RPS6KC1: variants seen among roughly 807,000 people sequenced by gnomAD.
RPS6KC1 encodes the protein ribosomal protein S6 kinase C1, also known as inactive ribosomal protein S6 kinase delta-1.
RPS6KC1 carries 54 observed loss-of-function variants against 103.8 expected under a neutral mutation model. The ratio of observed to expected loss-of-function variants is 0.52; its 90% confidence interval spans 0.42 to 0.65. RPS6KC1 has a LOEUF of 0.65. Among genes scored for constraint, RPS6KC1 ranks in the 30% least tolerant of loss-of-function variants. RPS6KC1 has a pLI of 0.00. For missense variants in RPS6KC1, 1,151 were observed against 1,253.8 expected, an observed-to-expected ratio of 0.92 and a Z score of 1.24; for synonymous variants, 439 against 438.7, an observed-to-expected ratio of 1.00 and a Z score of -0.01.
the RPS6KC1 span, among the ~76,000 whole-genome samples, chr1:213,364,085 A>G: frequency 6.6e-6 from 1 of 152,122 alleles, no homozygotes; most frequent in Non-Finnish European, 1.5e-5. Flanking sequence ...TTTGTGGGCC[A>G]TACAGTCTCT....
At chr1:213,197,373 G>A (rs577227372) in intron 8 of RPS6KC1, among the ~76,000 whole-genome samples, 30 of 152,008 alleles carry the variant, frequency 2.0e-4, no homozygotes, top group Non-Finnish European at 3.7e-4. Flanking sequence ...ATTGCTTTTG[G>A]CAATATGGTC....
At position 213,051,377 on chromosome 1, in the gene RPS6KC1, TGGC is replaced by T; in HGVS notation, c.-18_-16del. On this transcript the variant is annotated 5_prime_UTR_variant, in exon 1 of 15. Transcript: ENST00000366960. ...GGTTTCCCTCATGATCCCGGGCGGG[TGGC>T]GGCGGCGGCAGAGGCGGCGGGAGGA... 1.3e-6 allele frequency: 2 copies of T among 1,561,028 alleles called. No individual in the cohort carries two copies. Among genetic ancestry groups the T allele is most frequent in the Non-Finnish European group, 1.8e-6 (2 of 1,135,574 alleles).
At chr1:213,697,803 A>G in the RPS6KC1 span, among the ~76,000 whole-genome samples, 1 of 152,108 alleles carries the variant, frequency 6.6e-6, no homozygotes, top group Non-Finnish European at 1.5e-5. Context: ...CTTCCCTGCC[A>G]CCCATTTTTC....
At chr1:213,242,848 A>G (rs1374877614) in intron 12 of RPS6KC1, among the ~76,000 whole-genome samples, 190 bp downstream of exon 12, 1 of 152,186 alleles carries the variant, frequency 6.6e-6, no homozygotes, top group East Asian at 1.9e-4. Context: ...ATATATGTGT[A>G]TATATGTATG....
intron 8 of RPS6KC1, among the ~76,000 whole-genome samples, chr1:213,205,547 G>GATATATATATATATAT (rs764745657): frequency 2.9e-5 from 3 of 102,444 alleles, no homozygotes; most frequent in Admixed American, 1.0e-4. Context: ...TATATATATA[G>GATATATATATATATAT]ATATATATAT....
At chr1:213,723,951 G>A in the RPS6KC1 span, among the ~76,000 whole-genome samples, 1 of 151,912 alleles carries the variant, frequency 6.6e-6, no homozygotes. Flanking sequence ...GGTTGGGGGG[G>A]ACAGTGTCAT....
chr1:213,480,936 A>G, the RPS6KC1 span, among the ~76,000 whole-genome samples: 2 of 152,162 alleles, frequency 1.3e-5, no homozygotes, highest in African/African-American at 4.8e-5. Flanking sequence ...ATTATATTAG[A>G]AAGGTCTGAT....
chr1:213,589,900 G>A, the RPS6KC1 span, among the ~76,000 whole-genome samples: 4 of 90,926 alleles, frequency 4.4e-5, no homozygotes, highest in African/African-American at 1.2e-4. Flanking sequence ...ATTTTTTGTG[G>A]GCATGTGTTT....
At chr1:213,549,357 A>T in the RPS6KC1 span, among the ~76,000 whole-genome samples, 1 of 152,124 alleles carries the variant, frequency 6.6e-6, no homozygotes, top group African/African-American at 2.4e-5. Context: ...TTTTAGCTGG[A>T]TTGTAAATTA....
the RPS6KC1 span, among the ~76,000 whole-genome samples, chr1:213,421,991 C>G: frequency 6.6e-6 from 1 of 152,214 alleles, no homozygotes; most frequent in Non-Finnish European, 1.5e-5. Flanking sequence ...TGTGACTAAA[C>G]TTACTCACTT....
At chr1:213,301,510 T>C in the RPS6KC1 span, among the ~76,000 whole-genome samples, 1 of 152,156 alleles carries the variant, frequency 6.6e-6, no homozygotes, top group Non-Finnish European at 1.5e-5. Flanking sequence ...AGTCCAGTGC[T>C]TCTCACGTCA....
chr1:213,348,011 TGA>T, the RPS6KC1 span, among the ~76,000 whole-genome samples: 8 of 152,082 alleles, frequency 5.3e-5, no homozygotes. Flanking sequence ...GTGGTTGGAA[TGA>T]GAGAGGAAAA....
At chr1:213,583,870 A>G in the RPS6KC1 span, among the ~76,000 whole-genome samples, 1 of 151,724 alleles carries the variant, frequency 6.6e-6, no homozygotes, top group Non-Finnish European at 1.5e-5. Flanking sequence ...AAAAAGAAAA[A>G]CACAGATTCC....
the RPS6KC1 span, among the ~76,000 whole-genome samples, chr1:213,716,592 G>A: frequency 1.3e-5 from 2 of 152,108 alleles, no homozygotes; most frequent in Non-Finnish European, 2.9e-5. Context: ...TATAACAAAA[G>A]ATGTAAACAA....
the RPS6KC1 span, among the ~76,000 whole-genome samples, chr1:213,703,428 C>G: frequency 6.6e-6 from 1 of 152,078 alleles, no homozygotes; most frequent in Non-Finnish European, 1.5e-5. Flanking sequence ...TTTCTGTGTA[C>G]TTATTACCAA....
intron 6 of RPS6KC1, among the ~76,000 whole-genome samples, chr1:213,145,006 C>T (rs1173004355): frequency 6.6e-6 from 1 of 152,038 alleles, no homozygotes; most frequent in South Asian, 2.1e-4. Flanking sequence ...ACCTGGGAGG[C>T]AGAGGTTGCA....
At chr1:213,520,300 AAGAG>A in the RPS6KC1 span, among the ~76,000 whole-genome samples, 1 of 152,192 alleles carries the variant, frequency 6.6e-6, no homozygotes, top group African/African-American at 2.4e-5. Flanking sequence ...AGCAGGCAAA[AAGAG>A]AGAATGAGAG....
chr1:213,447,680 C>T, the RPS6KC1 span, among the ~76,000 whole-genome samples: 334 of 152,210 alleles, frequency 2.2e-3, no homozygotes, highest in Non-Finnish European at 4.1e-3. Context: ...CTAATCAATG[C>T]GGCTCAGGTA....
intron 8 of RPS6KC1, among the ~76,000 whole-genome samples, chr1:213,220,194 A>G (rs560937962): frequency 1.3e-5 from 2 of 152,270 alleles, no homozygotes; most frequent in South Asian, 4.2e-4. Context: ...CTTTATTACA[A>G]CAATTTTTAT....
Sources: gnomAD v4.1 joint callset for allele counts (sites outside exome capture counted in the v4.1 genomes callset) on GRCh38, gnomAD v4.1.1 for gene constraint, MANE v1.5 for transcripts, NCBI Gene and HGNC (gene_info 2026-07-23, HGNC 2026-07-21) for gene names.